NHSL1: variants seen among roughly 807,000 people sequenced by gnomAD.
NHSL1 encodes the protein NHS like 1.
Under a neutral mutation model 95.0 loss-of-function variants are expected in NHSL1, and 48 were observed. That is an observed-to-expected ratio of 0.51 (90% CI 0.40 to 0.64). The LOEUF is 0.64. Among genes scored for constraint, NHSL1 ranks in the 30% least tolerant of loss-of-function variants. The pLI is 0.00. For missense variants in NHSL1, 1,971 were observed against 2,077.7 expected (o/e 0.95, Z 1.00); for synonymous variants, 783 against 833.9 (o/e 0.94, Z 1.05).
At chr6:138,517,428 T>G (rs1216030666) in intron 1 of NHSL1, among the ~76,000 whole-genome samples, 2 of 152,312 alleles carry the variant, frequency 1.3e-5, no homozygotes, top group Non-Finnish European at 1.5e-5. Flanking sequence ...AATGCTGAGT[T>G]TTCCCCAATT....
intron 3 of NHSL1, among the ~76,000 whole-genome samples, chr6:138,463,233 T>G (rs1017891378): frequency 6.6e-6 from 1 of 152,170 alleles, no homozygotes; most frequent in Non-Finnish European, 1.5e-5. Flanking sequence ...TGGTCTAATT[T>G]TCCTACAGAC....
chr6:138,488,003 C>A (rs541907996), intron 2 of NHSL1, among the ~76,000 whole-genome samples: 1 of 152,244 alleles, frequency 6.6e-6, no homozygotes, highest in East Asian at 1.9e-4. Flanking sequence ...AGTGGCTGGG[C>A]GTGGTGGCTC....
intron 1 of NHSL1, among the ~76,000 whole-genome samples, chr6:138,510,560 T>G (rs1370075333): frequency 6.6e-6 from 1 of 152,178 alleles, no homozygotes; most frequent in East Asian, 1.9e-4. Flanking sequence ...GCATGAGTGC[T>G]ACAAGGGTTT....
intron 1 of NHSL1, among the ~76,000 whole-genome samples, chr6:138,511,372 C>CA (rs1288532753): frequency 6.6e-6 from 1 of 151,124 alleles, no homozygotes; most frequent in Admixed American, 6.6e-5. Flanking sequence ...GTGAGGTAGA[C>CA]AAAAAACCAC....
chr6:138,544,233 C>T (rs1782694708), intron 1 of NHSL1, among the ~76,000 whole-genome samples: 1 of 152,102 alleles, frequency 6.6e-6, no homozygotes, highest in Non-Finnish European at 1.5e-5. Context: ...ACTCTTCATA[C>T]CTAAACATTT....
intron 3 of NHSL1, among the ~76,000 whole-genome samples, chr6:138,472,859 C>G (rs1441517462): frequency 2.0e-5 from 3 of 152,182 alleles, no homozygotes; most frequent in African/African-American, 7.2e-5. Context: ...ACACTGAGCA[C>G]TGTAAACAGT....
intron 1 of NHSL1, among the ~76,000 whole-genome samples, chr6:138,610,736 G>C (rs1191183266): frequency 2.0e-5 from 3 of 151,904 alleles, no homozygotes; most frequent in Non-Finnish European, 4.4e-5. Flanking sequence ...TATTCCAAAA[G>C]CCAGAGAAGC....
At chr6:138,536,846 T>C (rs1369967429) in intron 1 of NHSL1, among the ~76,000 whole-genome samples, 1 of 152,142 alleles carries the variant, frequency 6.6e-6, no homozygotes, top group Non-Finnish European at 1.5e-5. Flanking sequence ...TCCATCGTAA[T>C]TTACTGACTG....
chr6:138,560,511 G>A (rs1344930472), intron 1 of NHSL1, among the ~76,000 whole-genome samples: 1 of 152,312 alleles, frequency 6.6e-6, no homozygotes, highest in African/African-American at 2.4e-5. Flanking sequence ...TTTTATAATG[G>A]GAATAGAGTG....
intron 1 of NHSL1, among the ~76,000 whole-genome samples, chr6:138,497,673 T>A (rs1780436651): frequency 6.6e-6 from 1 of 152,172 alleles, no homozygotes; most frequent in Non-Finnish European, 1.5e-5. Context: ...ATAACTCAGG[T>A]AAAACATGGT....
chr6:138,542,871 C>T (rs1330905805), intron 1 of NHSL1, among the ~76,000 whole-genome samples: 2 of 152,184 alleles, frequency 1.3e-5, no homozygotes, highest in African/African-American at 4.8e-5. Flanking sequence ...TCAAGCAATC[C>T]TCCTGCCTCA....
chr6:138,629,389 C>CTTTT (rs886431413), intron 1 of NHSL1, among the ~76,000 whole-genome samples: 1 of 89,484 alleles, frequency 1.1e-5, no homozygotes, highest in African/African-American at 3.5e-5. Flanking sequence ...TTCTTTCTTT[C>CTTTT]TTTTTTTTTT....
intron 1 of NHSL1, among the ~76,000 whole-genome samples, chr6:138,670,407 C>CT (rs1390791469): frequency 6.6e-6 from 1 of 151,464 alleles, no homozygotes; most frequent in African/African-American, 2.4e-5. Context: ...TGGCTCACGC[C>CT]TATAATCCCA....
chr6:138,555,354 ATAAGTC>A (rs1783158968), intron 1 of NHSL1, among the ~76,000 whole-genome samples: 1 of 152,178 alleles, frequency 6.6e-6, no homozygotes, highest in Admixed American at 6.5e-5. Context: ...ATTAACTATA[ATAAGTC>A]TACAGCCACT....
At position 138,441,515 on chromosome 6, in the gene NHSL1, T is replaced by C. The variant is rs970933830; in HGVS notation, c.664+468A>G. ...ACATAAATGACTATTTTCTATCTTA[T>C]TGACATTTACCAATAATCCCAGACT... is the stretch of plus-strand genomic sequence containing the variant. On this transcript the variant is annotated intron_variant, in intron 5 of 7. Transcript: ENST00000343505. Among the ~76,000 whole-genome samples the C allele has an allele frequency of 9.2e-5, 14 of 152,238 alleles. No individual in the cohort carries two copies. In the East Asian group the frequency reaches 1.3e-3, roughly 15 times the overall value.
At chr6:138,611,818 A>C (rs1005996376) in intron 1 of NHSL1, among the ~76,000 whole-genome samples, 1 of 152,002 alleles carries the variant, frequency 6.6e-6, no homozygotes, top group Non-Finnish European at 1.5e-5. Flanking sequence ...GACACTAAAA[A>C]ATATGTTGAG....
chr6:138,536,396 T>G (rs1782344336), intron 1 of NHSL1, among the ~76,000 whole-genome samples: 1 of 152,106 alleles, frequency 6.6e-6, no homozygotes, highest in Non-Finnish European at 1.5e-5. Flanking sequence ...CACTGGATGT[T>G]TTAGCATTAA....
At chr6:138,448,757 G>C (rs1777029953) in intron 3 of NHSL1, among the ~76,000 whole-genome samples, 1 of 152,254 alleles carries the variant, frequency 6.6e-6, no homozygotes, top group East Asian at 1.9e-4. Flanking sequence ...GAAATGCATT[G>C]ATTAGAAATT....
intron 1 of NHSL1, among the ~76,000 whole-genome samples, chr6:138,657,841 GAA>G (rs943360875): frequency 1.5e-5 from 2 of 132,276 alleles, no homozygotes; most frequent in Non-Finnish European, 3.3e-5. Context: ...AAAAAAGAAA[GAA>G]AAAAAGAGTC....
Sources: gnomAD v4.1 joint callset for allele counts (sites outside exome capture counted in the v4.1 genomes callset) on GRCh38, gnomAD v4.1.1 for gene constraint, MANE v1.5 for transcripts, NCBI Gene and HGNC (gene_info 2026-07-23, HGNC 2026-07-21) for gene names.